LIPC: variants seen among roughly 807,000 people sequenced by gnomAD.
LIPC encodes hepatic triacylglycerol lipase.
A neutral mutation model predicts 50.7 loss-of-function variants in LIPC; 44 were observed. The observed-to-expected ratio is 0.87, with a 90% CI of 0.68 to 1.11. The LOEUF (loss-of-function observed/expected upper bound fraction) is 1.11, where lower values mean the gene tolerates loss of function less well. Among genes scored for constraint, LIPC ranks in the 50% most tolerant of loss-of-function variants. The pLI is 0.00. For synonymous variants in LIPC, 271 were observed against 256.4 expected, an observed-to-expected ratio of 1.06 and a Z score of -0.54; for missense variants, 697 against 648.2, an observed-to-expected ratio of 1.08 and a Z score of -0.82.
At chr15:58,534,082 A>T (rs1595927030) in intron 1 of LIPC, among the ~76,000 whole-genome samples, 2 of 152,230 alleles carry the variant, frequency 1.3e-5, no homozygotes, top group Admixed American at 1.3e-4. Flanking sequence ...CACCTTGGGC[A>T]TAGAGATGAA....
chr15:58,449,832 C>T (rs1447166753), intron 1 of LIPC, among the ~76,000 whole-genome samples: 1 of 152,182 alleles, frequency 6.6e-6, no homozygotes, highest in East Asian at 1.9e-4. Flanking sequence ...GTGTGAGCCA[C>T]CATGCCCGGC....
At chr15:58,465,617 A>G (rs1894529851) in intron 1 of LIPC, among the ~76,000 whole-genome samples, 1 of 152,130 alleles carries the variant, frequency 6.6e-6, no homozygotes, top group Non-Finnish European at 1.5e-5. Flanking sequence ...ATGGAGTCCC[A>G]AGTGAATCCA....
At chr15:58,487,098 C>G (rs1396913745) in intron 1 of LIPC, among the ~76,000 whole-genome samples, 1 of 152,186 alleles carries the variant, frequency 6.6e-6, no homozygotes, top group African/African-American at 2.4e-5. Context: ...TAAGAAAATG[C>G]CTTTATCTGG....
chr15:58,451,315 A>G (rs1893892387), intron 1 of LIPC, among the ~76,000 whole-genome samples: 1 of 152,156 alleles, frequency 6.6e-6, no homozygotes, highest in East Asian at 1.9e-4. Flanking sequence ...AATAATCCAA[A>G]CCAAATTAAC....
intron 8 of LIPC, 79 bp from the exon 9 acceptor site, chr15:58,568,637 A>G (rs1894462966): frequency 1.2e-6 from 1 of 845,296 alleles, no homozygotes; most frequent in Non-Finnish European, 2.0e-6. Flanking sequence ...AAATTGAGTG[A>G]AATTTGATAA....
chr15:58,492,802 G>A (rs1248016441), intron 1 of LIPC, among the ~76,000 whole-genome samples: 1 of 152,164 alleles, frequency 6.6e-6, no homozygotes, highest in Admixed American at 6.5e-5. Context: ...CCTGGGACAG[G>A]ATGGAAATCC....
intron 4 of LIPC, among the ~76,000 whole-genome samples, chr15:58,545,192 A>G (rs188524422): frequency 8.5e-5 from 13 of 152,278 alleles, no homozygotes; most frequent in African/African-American, 2.2e-4. Context: ...GAGGTACTCA[A>G]AACTGATTTG....
At chr15:58,464,888 G>A (rs545416886) in intron 1 of LIPC, among the ~76,000 whole-genome samples, 6 of 152,246 alleles carry the variant, frequency 3.9e-5, no homozygotes, top group East Asian at 1.9e-4. Context: ...CAGAAAAATC[G>A]CTTGAACCTG....
chr15:58,566,963 G>A (rs1375652145), intron 8 of LIPC, among the ~76,000 whole-genome samples: 1 of 151,932 alleles, frequency 6.6e-6, no homozygotes, highest in Non-Finnish European at 1.5e-5. Flanking sequence ...AACAACTAAC[G>A]TTTAGTGAGT....
chr15:58,534,108 C>T (rs1893042411), intron 1 of LIPC, among the ~76,000 whole-genome samples: 1 of 152,070 alleles, frequency 6.6e-6, no homozygotes, highest in South Asian at 2.1e-4. Flanking sequence ...GTGTTATGAA[C>T]CACAATAGGA....
At chr15:58,493,731 AT>A (rs1439747254) in intron 1 of LIPC, among the ~76,000 whole-genome samples, 2 of 148,540 alleles carry the variant, frequency 1.3e-5, no homozygotes, top group Admixed American at 6.7e-5. Context: ...TATGTGAAAT[AT>A]TTTTTAAATG....
intron 1 of LIPC, among the ~76,000 whole-genome samples, chr15:58,433,072 T>C (rs1320878458): frequency 1.3e-5 from 2 of 152,228 alleles, no homozygotes; most frequent in Non-Finnish European, 2.9e-5. Flanking sequence ...GCAGTATTAA[T>C]TATTGCCATT....
chr15:58,444,895 T>C (rs1189995386), intron 1 of LIPC, among the ~76,000 whole-genome samples: 1 of 152,238 alleles, frequency 6.6e-6, no homozygotes, highest in Admixed American at 6.5e-5. Flanking sequence ...AAACTGCAAA[T>C]CTCTCTTTGT....
intron 1 of LIPC, among the ~76,000 whole-genome samples, chr15:58,499,598 G>A (rs1335204288): frequency 3.9e-5 from 6 of 152,096 alleles, no homozygotes; most frequent in African/African-American, 1.4e-4. Flanking sequence ...CCTATAAGTT[G>A]ATCCCAGTGG....
At chr15:58,552,135 C>T (rs1294409228) in intron 6 of LIPC, among the ~76,000 whole-genome samples, 1 of 152,220 alleles carries the variant, frequency 6.6e-6, no homozygotes, top group Non-Finnish European at 1.5e-5. Flanking sequence ...CTCATTTCAT[C>T]CTCAGAGCAG....
chr15:58,438,395 G>T (rs111323584), intron 1 of LIPC, among the ~76,000 whole-genome samples: 1 of 152,192 alleles, frequency 6.6e-6, no homozygotes, highest in Non-Finnish European at 1.5e-5. Flanking sequence ...GGTACTGTGC[G>T]CTGGCCCCCA....
intron 1 of LIPC, among the ~76,000 whole-genome samples, chr15:58,490,356 C>A (rs1198674764): frequency 1.3e-5 from 2 of 152,160 alleles, no homozygotes; most frequent in African/African-American, 2.4e-5. Flanking sequence ...TGATGCTATT[C>A]GTTTTCCAAA....
chr15:58,537,449 C>T (rs1893165672), intron 1 of LIPC, among the ~76,000 whole-genome samples: 1 of 152,214 alleles, frequency 6.6e-6, no homozygotes, highest in Non-Finnish European at 1.5e-5. Context: ...CTTGGAAAGC[C>T]TCCGAATGGA....
intron 1 of LIPC, among the ~76,000 whole-genome samples, chr15:58,492,314 T>C (rs903473059): frequency 1.2e-4 from 19 of 152,198 alleles, no homozygotes; most frequent in Admixed American, 6.5e-5. Context: ...TATTATTACA[T>C]AGCTGTAGTA....
Sources: gnomAD v4.1 joint callset for allele counts (sites outside exome capture counted in the v4.1 genomes callset) on GRCh38, gnomAD v4.1.1 for gene constraint, MANE v1.5 for transcripts, NCBI Gene and HGNC (gene_info 2026-07-23, HGNC 2026-07-21) for gene names.